Variants in TIAM1 observed in about 807,000 individuals in gnomAD.
TIAM1 encodes TIAM Rac1 associated GEF 1, also known as rho guanine nucleotide exchange factor TIAM1.
In TIAM1, 65 loss-of-function variants were observed where a neutral mutation model predicts 163.5. That is an observed-to-expected ratio of 0.40 (90% confidence interval 0.33 to 0.49). The LOEUF (loss-of-function observed/expected upper bound fraction) is 0.49, where lower values mean the gene tolerates loss of function less well. TIAM1 is among the 20% of genes least tolerant of loss of function. The pLI, the probability that TIAM1 is intolerant of heterozygous loss-of-function variation, is 0.77. For synonymous variants in TIAM1, 833 were observed against 810.1 expected (o/e 1.03, Z -0.48); for missense variants, 1,789 against 2,044.7 (o/e 0.87, Z 2.41).
chr21:31,154,408 C>A lies in TIAM1; in HGVS notation c.3010G>T (p.Ala1004Ser), dbSNP rs375192468. The change falls in exon 17 of 28, where the codon GCA (alanine) becomes TCA (serine). Residue 1004 changes from alanine (A) to serine (S), a missense_variant. Ala to Ser is a moderately conservative substitution (Grantham distance 99). Around this residue, in one of 5 missense-constraint regions of TIAM1, gnomAD observed 303 missense variants for 321.3 expected, o/e 0.94. Coordinates refer to ENST00000541036, the MANE Select transcript of TIAM1 (RefSeq NM_001353694.2). Reference protein sequence around the residue: ...HSSKSTEQVAAFCRSLHEMNP... With the variant: ...HSSKSTEQVASFCRSLHEMNP... The stretch of plus-strand genomic sequence containing the variant: ...ATCTCATGCAAACTGCGGCAAAATG[C>A]GGCCACCTGTTCTGTACTCTTCGGA... 6.2e-7 allele frequency: 1 copy of A among 1,613,902 alleles called. No homozygotes were observed. Among genetic ancestry groups the A allele is most frequent in the South Asian group, 1.1e-5 (1 of 91,060 alleles).
At chr21:31,458,932 G>T (rs1184601202) in intron 2 of TIAM1, among the ~76,000 whole-genome samples, 1 of 152,186 alleles carries the variant, frequency 6.6e-6, no homozygotes, top group Non-Finnish European at 1.5e-5. Context: ...GGCACGCTGC[G>T]TGTATTCTAG....
At chr21:31,513,187 G>A (rs1480010676) in intron 1 of TIAM1, among the ~76,000 whole-genome samples, 1 of 151,828 alleles carries the variant, frequency 6.6e-6, no homozygotes, top group Non-Finnish European at 1.5e-5. Flanking sequence ...ACATATACAC[G>A]TACCATGTTC....
At chr21:31,415,194 A>G (rs915813354) in intron 2 of TIAM1, among the ~76,000 whole-genome samples, 2 of 152,352 alleles carry the variant, frequency 1.3e-5, no homozygotes, top group African/African-American at 4.8e-5. Flanking sequence ...ACTATCCCAT[A>G]TAAGATGTCT....
In TIAM1 at chr21:31,130,914, A is replaced by G; in HGVS notation, c.3918T>C (p.Asp1306=). 1.9e-6 allele frequency: 3 copies of G among 1,614,094 alleles called. No individual in the cohort carries two copies. Among genetic ancestry groups the G allele is most frequent in the Non-Finnish European group, 2.5e-6 (3 of 1,179,980 alleles). Residue 1306 remains aspartate, a synonymous_variant, in exon 24 of 28, where the codon GAT becomes GAC. Transcript: ENST00000541036. ...CAAGTTTCTTCTTCTGTTTGGAACC[A>G]TCTTTATACACAAGGACCACAGCAG... ...FKTAVVLVYK[D]GSKQKKKLVG...
intron 6 of TIAM1, among the ~76,000 whole-genome samples, chr21:31,242,495 C>T (rs1258650743): frequency 1.3e-5 from 2 of 152,166 alleles, no homozygotes; most frequent in African/African-American, 2.4e-5. Context: ...ACTGACCCTA[C>T]AGCTCAGTGA....
In TIAM1 at chr21:31,185,380, CATAATTATATATAATTATGCTAT is replaced by C. The variant is rs1188892502; in HGVS notation, c.2662+1598_2662+1620del. ...TTGTAATTATATAATAATTGCACAT[CATAATTATATATAATTATGCTAT>C]ATAATTATATATAATTATGTTATAT... On this transcript the variant is annotated intron_variant, in intron 14 of 27. Coordinates refer to ENST00000541036, the MANE Select transcript of TIAM1 (RefSeq NM_001353694.2). Among the ~76,000 whole-genome samples, 22 of 143,590 alleles carry C rather than the reference CATAATTATATATAATTATGCTAT, an allele frequency of 1.5e-4. No homozygotes were observed. The East Asian group carries it at 4.3e-3, about 28-fold the overall frequency. The allele number at this position is 143,590 out of a possible 152,430, so 94.2% of individuals were successfully genotyped here.
intron 2 of TIAM1, among the ~76,000 whole-genome samples, chr21:31,286,709 T>A (rs535858054): frequency 2.0e-4 from 31 of 152,288 alleles, no homozygotes; most frequent in African/African-American, 7.0e-4. Flanking sequence ...AGAGATCCTG[T>A]CTCAACAAAT....
intron 2 of TIAM1, among the ~76,000 whole-genome samples, chr21:31,454,655 A>G (rs1251153918): frequency 6.6e-6 from 1 of 152,188 alleles, no homozygotes; most frequent in Non-Finnish European, 1.5e-5. Context: ...GGACATAGAG[A>G]TTGGTTACAA....
chr21:31,249,365 G>A (rs2071672571), intron 5 of TIAM1, among the ~76,000 whole-genome samples: 1 of 152,150 alleles, frequency 6.6e-6, no homozygotes, highest in Non-Finnish European at 1.5e-5. Context: ...CAGCCTCCAG[G>A]ACTGTGAGAT....
At chr21:31,284,243 G>A (rs113210520) in intron 2 of TIAM1, among the ~76,000 whole-genome samples, 2,036 of 152,204 alleles carry the variant, frequency 0.013, 55 homozygotes, top group African/African-American at 0.046. Context: ...TCCTTAAACC[G>A]CACACCAAAA....
chr21:31,263,721 G>T (rs1241841079), intron 4 of TIAM1, among the ~76,000 whole-genome samples: 2 of 152,046 alleles, frequency 1.3e-5, no homozygotes, highest in African/African-American at 2.4e-5. Flanking sequence ...CACTAACTGA[G>T]CACTGTTCAG....
chr21:31,203,068 A>T, intron 11 of TIAM1, 56 bp from the exon 12 acceptor site: 1 of 1,362,182 alleles, frequency 7.3e-7, no homozygotes, highest in South Asian at 1.2e-5. Flanking sequence ...AAATAGGCAC[A>T]ATTAGTTCTC....
chr21:31,379,289 G>A (rs996205819), intron 2 of TIAM1, among the ~76,000 whole-genome samples: 3 of 152,122 alleles, frequency 2.0e-5, no homozygotes, highest in African/African-American at 7.2e-5. Context: ...TTTTATATAA[G>A]GAACTTGAGC....
intron 3 of TIAM1, among the ~76,000 whole-genome samples, chr21:31,270,651 C>T (rs1601777692): frequency 6.6e-6 from 1 of 152,330 alleles, no homozygotes; most frequent in East Asian, 1.9e-4. Flanking sequence ...CCACAGGCCA[C>T]ATGGATGGCT....
At position 31,248,599 on chromosome 21, in the gene TIAM1, T is replaced by G. The variant is rs184197757; in HGVS notation, c.1412-2939A>C. On this transcript the variant is annotated intron_variant, in intron 5 of 27. Transcript: ENST00000541036. ...AATTACTTTGCCTAATGGGAAAGAA[T>G]CTTTAGGGAAAAAAAATCTCTATCC... Among the ~76,000 whole-genome samples the G allele has an allele frequency of 7.8e-4, 119 of 152,186 alleles. 1 individual carries two copies. Among genetic ancestry groups the G allele is most frequent in the African/African-American group, 2.7e-3 (113 of 41,464 alleles).
intron 15 of TIAM1, among the ~76,000 whole-genome samples, chr21:31,165,813 G>C (rs761082104): frequency 1.3e-5 from 2 of 152,098 alleles, no homozygotes; most frequent in African/African-American, 4.8e-5. Context: ...CAAAAAAAAT[G>C]ACTGTCCCAT....
At chr21:31,405,786 G>A (rs2077237119) in intron 2 of TIAM1, among the ~76,000 whole-genome samples, 1 of 152,090 alleles carries the variant, frequency 6.6e-6, no homozygotes, top group African/African-American at 2.4e-5. Context: ...TGGGAATTAT[G>A]GGAGCCATAA....
At chr21:31,435,844 T>G (rs6517033) in intron 2 of TIAM1, among the ~76,000 whole-genome samples, 11,843 of 152,242 alleles carry the variant, frequency 0.078, 1,523 homozygotes, top group African/African-American at 0.26. Context: ...AAAAACAAGC[T>G]CGGCCCTTTC....
At position 31,362,479 on chromosome 21, in the gene TIAM1, A is replaced by AT. The variant is rs1191164944; in HGVS notation, c.-368-23058dup. 2.6e-3 allele frequency among the ~76,000 whole-genome samples: 380 copies of AT among 145,396 alleles called. 1 individual carries two copies. Among genetic ancestry groups the AT allele is most frequent in the African/African-American group, 9.2e-3 (362 of 39,178 alleles). ...TATTATTATTATTATTATTATTATT[A>AT]TATTTGAGAAAAGGTCTCGCTTTGT... On this transcript the variant is annotated intron_variant, in intron 2 of 28. Transcript: ENST00000286827.
Sources: gnomAD v4.1 joint callset for allele counts (sites outside exome capture counted in the v4.1 genomes callset) on GRCh38, gnomAD v4.1.1 for gene constraint, gnomAD v4.1.1 regional missense constraint, MANE v1.5 for transcripts, NCBI Gene and HGNC (gene_info 2026-07-23, HGNC 2026-07-21) for gene names.